Variants in ALDH1A1 observed in about 807,000 individuals in gnomAD.
The protein encoded by ALDH1A1 is aldehyde dehydrogenase 1 family member A1, also known as aldehyde dehydrogenase 1A1.
Under a neutral mutation model 62.1 loss-of-function variants are expected in ALDH1A1, and 19 were observed. The ratio of observed to expected loss-of-function variants is 0.31; its 90% CI spans 0.21 to 0.45. The LOEUF (loss-of-function observed/expected upper bound fraction) is 0.45, where lower values mean the gene tolerates loss of function less well. Among genes scored for constraint, ALDH1A1 ranks in the 20% least tolerant of loss-of-function variants. The pLI, the probability that ALDH1A1 is intolerant of heterozygous loss-of-function variation, is 1.00. For missense variants in ALDH1A1, 521 were observed against 607.1 expected (o/e 0.86, Z 1.49); for synonymous variants, 231 against 215.9 (o/e 1.07, Z -0.61).
chr9:72,949,273 T>C (rs1830509404), intron 1 of ALDH1A1, among the ~76,000 whole-genome samples: 2 of 151,918 alleles, frequency 1.3e-5, no homozygotes, highest in Admixed American at 6.6e-5. Flanking sequence ...AAACTTTCTC[T>C]TATTGGCCTG....
intron 11 of ALDH1A1, among the ~76,000 whole-genome samples, chr9:72,906,974 C>T (rs569876936): frequency 3.4e-4 from 51 of 152,106 alleles, no homozygotes; most frequent in African/African-American, 1.2e-3. Context: ...CTTGCCTCTA[C>T]AAAACAAATT....
At chr9:72,942,366 T>C (rs1341977742) in intron 1 of ALDH1A1, 1 of 985,272 alleles carries the variant, frequency 1.0e-6, no homozygotes, top group Non-Finnish European at 1.2e-6. Flanking sequence ...AGCTTGCTCA[T>C]GCACACTGTC....
At chr9:72,944,270 A>T (rs1411346829) in intron 1 of ALDH1A1, among the ~76,000 whole-genome samples, 1 of 152,136 alleles carries the variant, frequency 6.6e-6, no homozygotes, top group Non-Finnish European at 1.5e-5. Flanking sequence ...TCATAAGGTC[A>T]CAGGCTTTTG....
At chr9:72,918,185 G>T (rs1322720433) in intron 8 of ALDH1A1, among the ~76,000 whole-genome samples, 1 of 152,198 alleles carries the variant, frequency 6.6e-6, no homozygotes, top group African/African-American at 2.4e-5. Context: ...ATATTATATA[G>T]TGGGGTTATA....
chr9:72,951,244 T>C (rs1052632193), intron 1 of ALDH1A1, among the ~76,000 whole-genome samples: 1 of 151,892 alleles, frequency 6.6e-6, no homozygotes, highest in Non-Finnish European at 1.5e-5. Flanking sequence ...TAGGTTTCAA[T>C]CTCAAAATCA....
intron 12 of ALDH1A1, among the ~76,000 whole-genome samples, chr9:72,905,592 T>C (rs1829868504): frequency 6.6e-6 from 1 of 152,144 alleles, no homozygotes; most frequent in Non-Finnish European, 1.5e-5. Flanking sequence ...GTGTTTACAT[T>C]TGCACCTTTC....
intron 2 of ALDH1A1, among the ~76,000 whole-genome samples, chr9:72,932,734 C>A (rs1830298132): frequency 6.6e-6 from 1 of 151,964 alleles, no homozygotes; most frequent in Non-Finnish European, 1.5e-5. Flanking sequence ...TAACTTTTTC[C>A]TAAATTTACA....
intron 9 of ALDH1A1, among the ~76,000 whole-genome samples, chr9:72,913,410 T>C (rs1044496051): frequency 1.3e-5 from 2 of 152,150 alleles, no homozygotes; most frequent in African/African-American, 2.4e-5. Flanking sequence ...ATAGGTTGAA[T>C]AGTAGCAGAC....
chr9:72,927,200 T>A, intron 4 of ALDH1A1, 23 bp from the exon 5 acceptor site: 1 of 1,531,604 alleles, frequency 6.5e-7, no homozygotes, highest in Non-Finnish European at 9.0e-7. Context: ...ACACACACAA[T>A]CATATATAAA....
chr9:72,921,056 GC>G (rs1258564870), intron 7 of ALDH1A1, among the ~76,000 whole-genome samples: 1 of 152,072 alleles, frequency 6.6e-6, no homozygotes, highest in African/African-American at 2.4e-5. Context: ...GACCATCCTG[GC>G]TAACACGGTG....
intron 2 of ALDH1A1, 25 bp from the exon 3 acceptor site, chr9:72,931,044 C>G (rs1316668518): frequency 6.2e-7 from 1 of 1,613,538 alleles, no homozygotes; most frequent in Non-Finnish European, 8.5e-7. Flanking sequence ...GAATTCAATT[C>G]AGTAAGCTAA....
chr9:72,925,223 T>G (rs148061178), intron 6 of ALDH1A1, among the ~76,000 whole-genome samples: 9 of 152,298 alleles, frequency 5.9e-5, no homozygotes, highest in Admixed American at 2.0e-4. Flanking sequence ...TCATGAGAGT[T>G]GGACAAAGAA....
At chr9:72,912,822 T>G (rs192702218) in intron 9 of ALDH1A1, among the ~76,000 whole-genome samples, 1 of 152,210 alleles carries the variant, frequency 6.6e-6, no homozygotes, top group Admixed American at 6.5e-5. Context: ...TTAAACACTA[T>G]TTTTATAAGG....
intron 7 of ALDH1A1, among the ~76,000 whole-genome samples, chr9:72,919,600 A>T (rs913886210): frequency 6.6e-6 from 1 of 152,222 alleles, no homozygotes; most frequent in African/African-American, 2.4e-5. Context: ...TCCCAAATAG[A>T]TTGTTAACTC....
rs1830224393 is a variant in ALDH1A1, at chr9:72,927,318, A to G, written c.443-141T>C. ...CCAGGTGTGGTGGCTCACGCCTGTAATCCCAGCACTTTGGGAGGCCGAGGC... is the reference window on the plus strand; with the variant it reads ...CCAGGTGTGGTGGCTCACGCCTGTAGTCCCAGCACTTTGGGAGGCCGAGGC... On this transcript the variant is annotated intron_variant, in intron 4 of 12. Coordinates refer to ENST00000297785, the MANE Select transcript of ALDH1A1 (RefSeq NM_000689.5). 3 of 527,746 alleles carry G rather than the reference A, an allele frequency of 5.7e-6. No individual in the cohort carries two copies. In the African/African-American group the frequency reaches 5.8e-5, roughly 10 times the overall value. 32.7% of individuals were successfully genotyped at this position (527,746 alleles called of 1,614,324 possible). A position where few individuals can be genotyped will look rare whatever the true frequency, so the allele number is the denominator to read the frequency against.
chr9:72,904,019 A>G (rs937849685), intron 12 of ALDH1A1, among the ~76,000 whole-genome samples: 2 of 152,094 alleles, frequency 1.3e-5, no homozygotes, highest in African/African-American at 4.8e-5. Flanking sequence ...ACACTTTGTG[A>G]CAGTTATGTG....
intron 3 of ALDH1A1, among the ~76,000 whole-genome samples, chr9:72,930,132 G>A (rs1172243838): frequency 6.6e-6 from 1 of 152,114 alleles, no homozygotes; most frequent in African/African-American, 2.4e-5. Context: ...CTTGAAACCT[G>A]ATCTTGGTAT....
At chr9:72,921,240 CAA>C (rs1025687679) in intron 7 of ALDH1A1, among the ~76,000 whole-genome samples, 49 of 79,020 alleles carry the variant, frequency 6.2e-4, no homozygotes, top group Admixed American at 9.2e-4. Context: ...CGACTCCTCT[CAA>C]AAAAAAAAAA....
At chr9:72,952,845 C>A in intron 1 of ALDH1A1, 90 bp downstream of exon 1, 1 of 1,458,566 alleles carries the variant, frequency 6.9e-7, no homozygotes, top group South Asian at 1.3e-5. Context: ...GGGCTCTTTA[C>A]ACAAGTTTAC....
Sources: allele counts gnomAD v4.1 joint callset (sites outside exome capture counted in the v4.1 genomes callset), GRCh38; gene constraint gnomAD v4.1.1; transcripts MANE v1.5; gene names NCBI Gene and HGNC (gene_info 2026-07-23, HGNC 2026-07-21).